Variants in CELF2 observed in about 807,000 individuals in gnomAD.
The protein encoded by CELF2 is CUG triplet repeat RNA-binding protein 2.
Under a neutral mutation model 62.6 loss-of-function variants are expected in CELF2, and 8 were observed. That is an observed-to-expected ratio of 0.13 (90% CI 0.07 to 0.23). The LOEUF (loss-of-function observed/expected upper bound fraction) is 0.23. CELF2 is among the 10% of genes least tolerant of loss of function. The pLI is 1.00. For synonymous variants in CELF2, 258 were observed against 250.0 expected, an observed-to-expected ratio of 1.03 and a Z score of -0.30; for missense variants, 333 against 671.0, an observed-to-expected ratio of 0.50 and a Z score of 5.56.
At chr10:10,575,662 T>C in the CELF2 span, among the ~76,000 whole-genome samples, 1 of 152,212 alleles carries the variant, frequency 6.6e-6, no homozygotes, top group Non-Finnish European at 1.5e-5. Flanking sequence ...TCCCTCTGGC[T>C]ACTGAGGTCA....
chr10:10,849,995 A>AG (rs968952542), intron 1 of CELF2, among the ~76,000 whole-genome samples: 123 of 151,846 alleles, frequency 8.1e-4, no homozygotes, highest in Non-Finnish European at 1.5e-3. Context: ...ACGAAAAAAA[A>AG]AAATTAGCCG....
intron 1 of CELF2, among the ~76,000 whole-genome samples, chr10:11,032,913 C>T (rs960789685): frequency 6.6e-6 from 1 of 152,136 alleles, no homozygotes; most frequent in African/African-American, 2.4e-5. Flanking sequence ...GTTACCTTTT[C>T]TAACATAAAT....
chr10:11,111,667 G>A (rs1052989896), intron 1 of CELF2, among the ~76,000 whole-genome samples: 9 of 152,082 alleles, frequency 5.9e-5, no homozygotes, highest in East Asian at 1.9e-4. Flanking sequence ...GCCCTATGTC[G>A]TACAGGTTAG....
At chr10:11,168,815 G>C (rs1278259925) in intron 2 of CELF2, 1 of 152,124 alleles carries the variant, frequency 6.6e-6, no homozygotes, top group Non-Finnish European at 1.5e-5. Context: ...ATCCTTTCAG[G>C]GTTCGAGCCT....
intron 4 of CELF2, among the ~76,000 whole-genome samples, chr10:11,252,464 G>A (rs1342441838): frequency 1.3e-5 from 2 of 152,234 alleles, no homozygotes; most frequent in African/African-American, 4.8e-5. Context: ...GCCAGAAAGA[G>A]CTGCTAATCA....
At position 11,107,864 on chromosome 10, in the gene CELF2, ACCATCTCCTCCCTTCTC is replaced by A. The variant is rs749655360; in HGVS notation, c.75-57583_75-57567del. Among the ~76,000 whole-genome samples, 298 of 68,448 alleles carry A rather than the reference ACCATCTCCTCCCTTCTC, an allele frequency of 4.4e-3. 5 individuals are homozygous for A. Among genetic ancestry groups the A allele is most frequent in the Middle Eastern group, 0.036 (5 of 140 alleles). 44.9% of individuals were successfully genotyped at this position (68,448 alleles called of 152,430 possible). A position where few individuals can be genotyped will look rare whatever the true frequency, so the allele number is the denominator to read the frequency against. ...CCCCCTATTTCTCCCCATCCCTTCTACCATCTCCTCCCTTCTCCCATCTCCTCCCTTCTCCCATCTCC... is the reference window on the plus strand; with the variant it reads ...CCCCCTATTTCTCCCCATCCCTTCTACCATCTCCTCCCTTCTCCCATCTCC... On this transcript the variant is annotated intron_variant, in intron 1 of 12. Coordinates refer to ENST00000633077, the MANE Select transcript of CELF2 (RefSeq NM_001326342.2).
the CELF2 span, among the ~76,000 whole-genome samples, chr10:10,640,758 C>A: frequency 2.4e-4 from 36 of 152,226 alleles, no homozygotes; most frequent in Non-Finnish European, 4.0e-4. Context: ...AAAAAAAGAA[C>A]AAAGGAAAGA....
intron 9 of CELF2, among the ~76,000 whole-genome samples, chr10:11,292,834 C>T (rs989168142): frequency 6.6e-6 from 1 of 152,196 alleles, no homozygotes; most frequent in African/African-American, 2.4e-5. Context: ...TTGCAGCTGG[C>T]CCCTGGCTCA....
the CELF2 span, among the ~76,000 whole-genome samples, chr10:10,759,296 C>CT: frequency 1.3e-3 from 153 of 120,842 alleles, 2 homozygotes; most frequent in Non-Finnish European, 1.9e-3. Context: ...GCCCATTTTT[C>CT]TTTTTTTTTT....
the CELF2 span, among the ~76,000 whole-genome samples, chr10:10,501,651 G>T: frequency 2.6e-5 from 4 of 152,028 alleles, no homozygotes; most frequent in African/African-American, 9.7e-5. Context: ...CTTGTATCCT[G>T]CAACTTTGCT....
At chr10:10,803,680 T>G (rs2054904738) in intron 1 of CELF2, among the ~76,000 whole-genome samples, 2 of 152,240 alleles carry the variant, frequency 1.3e-5, no homozygotes, top group African/African-American at 2.4e-5. Flanking sequence ...TCAGCTAATA[T>G]TCTCATCACA....
At chr10:10,474,847 G>A in the CELF2 span, among the ~76,000 whole-genome samples, 1 of 152,112 alleles carries the variant, frequency 6.6e-6, no homozygotes, top group Non-Finnish European at 1.5e-5. Context: ...AGTCTTATCA[G>A]ATGTGATGAG....
intron 2 of CELF2, among the ~76,000 whole-genome samples, chr10:11,215,165 G>A (rs2062984747): frequency 1.3e-5 from 2 of 152,132 alleles, no homozygotes; most frequent in African/African-American, 4.8e-5. Context: ...ATAGCAGAAG[G>A]ACTACACCTT....
the CELF2 span, among the ~76,000 whole-genome samples, chr10:10,677,788 A>G: frequency 6.6e-6 from 1 of 152,226 alleles, no homozygotes; most frequent in Non-Finnish European, 1.5e-5. Flanking sequence ...TTCTCTGCTA[A>G]GCAATGAAAC....
chr10:11,315,687 T>C lies in CELF2; in HGVS notation c.1096+1429T>C, dbSNP rs2094913517. On this transcript the variant is annotated intron_variant, in intron 10 of 12. Coordinates refer to ENST00000633077, the MANE Select transcript of CELF2 (RefSeq NM_001326342.2). The surrounding 1 kb of genome is among the most constrained non-coding windows in gnomAD (Gnocchi z 5.8). Reference sequence around the variant, plus strand: ...CGTGATTAGCGTGGAGCCCGTGAAGTGGTAGCTGTGCCGCGGCCTCATTGT... The same window carrying C: ...CGTGATTAGCGTGGAGCCCGTGAAGCGGTAGCTGTGCCGCGGCCTCATTGT... Among the ~76,000 whole-genome samples, 1 of 152,082 alleles carries C rather than the reference T, an allele frequency of 6.6e-6. No individual in the cohort carries two copies. Among genetic ancestry groups the C allele is most frequent in the Non-Finnish European group, 1.5e-5 (1 of 68,008 alleles).
At chr10:11,140,003 G>A (rs750106888) in intron 1 of CELF2, among the ~76,000 whole-genome samples, 3 of 152,016 alleles carry the variant, frequency 2.0e-5, no homozygotes, top group Non-Finnish European at 2.9e-5. Flanking sequence ...GGTTCAAACC[G>A]GAAATGGTTT....
intron 1 of CELF2, among the ~76,000 whole-genome samples, chr10:10,826,861 A>G (rs1380331184): frequency 6.6e-6 from 1 of 152,176 alleles, no homozygotes; most frequent in Non-Finnish European, 1.5e-5. Context: ...TAGAATTTCC[A>G]TGTAGGGAGT....
At chr10:10,631,985 T>C in the CELF2 span, among the ~76,000 whole-genome samples, 1 of 152,140 alleles carries the variant, frequency 6.6e-6, no homozygotes, top group Admixed American at 6.6e-5. Context: ...CTAATTAGTG[T>C]TGTGAAAAAT....
chr10:11,240,236 G>A (rs764259029), intron 3 of CELF2, among the ~76,000 whole-genome samples: 51 of 152,182 alleles, frequency 3.4e-4, no homozygotes, highest in Non-Finnish European at 3.7e-4. Context: ...AATAGACCTT[G>A]CATAATCCAG....
Sources: allele counts gnomAD v4.1 joint callset (sites outside exome capture counted in the v4.1 genomes callset), GRCh38; gene constraint gnomAD v4.1.1; non-coding constraint Gnocchi (gnomAD v3.1); transcripts MANE v1.5; gene names NCBI Gene and HGNC (gene_info 2026-07-23, HGNC 2026-07-21).